ASIC2: variants seen among roughly 807,000 people sequenced by gnomAD.
The protein encoded by ASIC2 is acid sensing ion channel subunit 2.
ASIC2 carries 25 observed loss-of-function variants against 57.3 expected under a neutral mutation model. That is an observed-to-expected ratio of 0.44 (90% confidence interval 0.32 to 0.61). ASIC2 has a LOEUF of 0.61. Among genes scored for constraint, ASIC2 ranks in the 20% least tolerant of loss-of-function variants. The pLI, the probability that ASIC2 is intolerant of heterozygous loss-of-function variation, is 0.06. For missense variants in ASIC2, 641 were observed against 738.1 expected (o/e 0.87, Z 1.52); for synonymous variants, 319 against 307.5 (o/e 1.04, Z -0.39).
chr17:33,121,701 C>T (rs1428692059), intron 1 of ASIC2, among the ~76,000 whole-genome samples: 3 of 152,206 alleles, frequency 2.0e-5, no homozygotes, highest in East Asian at 1.9e-4. Flanking sequence ...TACTAAGAGG[C>T]GGGCAGAACT....
At chr17:33,018,562 G>A (rs1421822098) in intron 7 of ASIC2, among the ~76,000 whole-genome samples, 1 of 152,214 alleles carries the variant, frequency 6.6e-6, no homozygotes, top group Non-Finnish European at 1.5e-5. Context: ...GTTTTTAACA[G>A]GGGTTCTGAG....
At chr17:33,579,754 C>T (rs967899235) in intron 1 of ASIC2, among the ~76,000 whole-genome samples, 1 of 152,116 alleles carries the variant, frequency 6.6e-6, no homozygotes, top group Non-Finnish European at 1.5e-5. Context: ...TAAACAGCAG[C>T]AAAACTCATT....
At chr17:33,448,805 C>G (rs1123025) in intron 1 of ASIC2, among the ~76,000 whole-genome samples, 1 of 151,982 alleles carries the variant, frequency 6.6e-6, no homozygotes, top group African/African-American at 2.4e-5. Flanking sequence ...AGGGGCCATC[C>G]GTTTTCATCC....
intron 1 of ASIC2, among the ~76,000 whole-genome samples, chr17:33,276,656 G>T (rs930380952): frequency 6.6e-6 from 1 of 152,130 alleles, no homozygotes; most frequent in Non-Finnish European, 1.5e-5. Flanking sequence ...CCATTTCTCC[G>T]TTCACATGGA....
intron 1 of ASIC2, among the ~76,000 whole-genome samples, chr17:33,735,117 A>G (rs976325173): frequency 6.6e-6 from 1 of 152,030 alleles, no homozygotes; most frequent in African/African-American, 2.4e-5. Context: ...TGACTGTCAT[A>G]TCTAAAATAG....
chr17:33,799,446 CT>C (rs768289358), intron 1 of ASIC2, among the ~76,000 whole-genome samples: 4,485 of 76,960 alleles, frequency 0.058, 170 homozygotes, highest in African/African-American at 0.14. Flanking sequence ...TTCTTTCTTT[CT>C]TTCTTTCTTT....
intron 1 of ASIC2, among the ~76,000 whole-genome samples, chr17:33,562,345 G>T (rs1353115868): frequency 6.6e-6 from 1 of 152,068 alleles, no homozygotes; most frequent in African/African-American, 2.4e-5. Flanking sequence ...CCTAGTGTAC[G>T]CTAGGTGCTT....
chr17:34,095,835 G>A (rs561150431), intron 1 of ASIC2, among the ~76,000 whole-genome samples: 1 of 150,610 alleles, frequency 6.6e-6, no homozygotes, highest in East Asian at 1.9e-4. Context: ...GTGAAGGGTT[G>A]GAGGAGAGAA....
At chr17:33,252,322 C>A (rs1908912406) in intron 1 of ASIC2, among the ~76,000 whole-genome samples, 2 of 152,158 alleles carry the variant, frequency 1.3e-5, no homozygotes, top group Admixed American at 1.3e-4. Context: ...GAAGGAAATG[C>A]AAATTAGCAA....
In ASIC2 at chr17:34,044,100, T is replaced by TCACA. The variant is rs542633112; in HGVS notation, c.555+111874_555+111877dup. ...AATAAAAGTGGGCCATACCCTTGAA[T>TCACA]CACACACACACACACACACACACAC... is the stretch of plus-strand genomic sequence containing the variant. On this transcript the variant is annotated intron_variant, in intron 1 of 9. Transcript: ENST00000359872. Among the ~76,000 whole-genome samples the TCACA allele has an allele frequency of 1.0e-3, 148 of 146,366 alleles. 1 individual carries two copies. Among genetic ancestry groups the TCACA allele is most frequent in the African/African-American group, 3.0e-3 (119 of 39,252 alleles).
At chr17:33,326,966 A>T (rs1429354951) in intron 1 of ASIC2, among the ~76,000 whole-genome samples, 1 of 152,180 alleles carries the variant, frequency 6.6e-6, no homozygotes, top group African/African-American at 2.4e-5. Flanking sequence ...GCATGTACAA[A>T]TACTTCCCCA....
chr17:33,350,906 C>T (rs975678347), intron 1 of ASIC2, among the ~76,000 whole-genome samples: 4 of 152,134 alleles, frequency 2.6e-5, no homozygotes, highest in African/African-American at 9.7e-5. Flanking sequence ...TTCCTTAGAA[C>T]GATCTCCAGG....
At chr17:34,112,804 G>C (rs755853959) in intron 1 of ASIC2, among the ~76,000 whole-genome samples, 1 of 152,112 alleles carries the variant, frequency 6.6e-6, no homozygotes, top group African/African-American at 2.4e-5. Context: ...GTTGTGGGAT[G>C]ATTTCTCTAG....
At chr17:33,895,662 T>C (rs1915078376) in intron 1 of ASIC2, among the ~76,000 whole-genome samples, 1 of 152,216 alleles carries the variant, frequency 6.6e-6, no homozygotes, top group South Asian at 2.1e-4. Flanking sequence ...AAATCCTTCA[T>C]AATTCAAGCG....
intron 2 of ASIC2, among the ~76,000 whole-genome samples, chr17:33,091,667 C>A (rs2092158144): frequency 6.6e-6 from 1 of 152,206 alleles, no homozygotes; most frequent in Non-Finnish European, 1.5e-5. Context: ...GAGGTGCTAG[C>A]TTATTCTGAA....
intron 1 of ASIC2, among the ~76,000 whole-genome samples, chr17:33,220,104 T>C (rs546304934): frequency 6.6e-6 from 1 of 152,306 alleles, no homozygotes; most frequent in African/African-American, 2.4e-5. Flanking sequence ...CATATGGCAC[T>C]GTTAGTGGAA....
chr17:33,061,470 A>C (rs1373685436), intron 3 of ASIC2, among the ~76,000 whole-genome samples: 1 of 152,020 alleles, frequency 6.6e-6, no homozygotes, highest in Non-Finnish European at 1.5e-5. Context: ...ACGTTTATTG[A>C]TTTGCGTATG....
chr17:33,868,975 G>A (rs1914318371), intron 1 of ASIC2, among the ~76,000 whole-genome samples: 1 of 152,174 alleles, frequency 6.6e-6, no homozygotes, highest in African/African-American at 2.4e-5. Flanking sequence ...TGAGGTTGGA[G>A]GATCACTTGA....
chr17:33,693,156 T>C (rs1228188116), intron 1 of ASIC2, among the ~76,000 whole-genome samples: 1 of 152,238 alleles, frequency 6.6e-6, no homozygotes, highest in African/African-American at 2.4e-5. Context: ...CTTGCTATTC[T>C]GTCCCAATGA....
Sources: allele counts gnomAD v4.1 joint callset (sites outside exome capture counted in the v4.1 genomes callset), GRCh38; gene constraint gnomAD v4.1.1; transcripts MANE v1.5; gene names NCBI Gene and HGNC (gene_info 2026-07-23, HGNC 2026-07-21).